PSME3IP1: variants seen among roughly 807,000 people sequenced by gnomAD.
The protein encoded by PSME3IP1 is proteasome activator subunit 3 interacting protein 1, also known as PSME3-interacting protein.
In PSME3IP1, 13 loss-of-function variants were observed where a neutral mutation model predicts 34.1. The ratio of observed to expected loss-of-function variants is 0.38; its 90% CI spans 0.25 to 0.61. The LOEUF (loss-of-function observed/expected upper bound fraction) is 0.61, where lower values mean the gene tolerates loss of function less well. Among genes scored for constraint, PSME3IP1 ranks in the 20% least tolerant of loss-of-function variants. PSME3IP1 has a pLI of 0.60. For missense variants in PSME3IP1, 237 were observed against 301.4 expected (o/e 0.79, Z 1.58); for synonymous variants, 93 against 114.3 (o/e 0.81, Z 1.19).
At chr16:57,177,835 TA>T (rs1365750173) in intron 1 of PSME3IP1, among the ~76,000 whole-genome samples, 1 of 151,878 alleles carries the variant, frequency 6.6e-6, no homozygotes, top group Non-Finnish European at 1.5e-5. Context: ...ACAAAAAATT[TA>T]AAAAACTAGC....
rs1216765282 is a variant in PSME3IP1 at position 57,153,078 on chromosome 16, A to C, written c.*1212T>G. 1.3e-5 allele frequency: 2 copies of C among 152,720 alleles called. No individual in the cohort carries two copies. Among genetic ancestry groups the C allele is most frequent in the African/African-American group, 4.8e-5 (2 of 41,470 alleles). The allele number at this position is 152,720 out of a possible 1,614,324, so 9.5% of individuals were successfully genotyped here. A position where few individuals can be genotyped will look rare whatever the true frequency, so the allele number is the denominator to read the frequency against. On this transcript the variant is annotated 3_prime_UTR_variant, in exon 7 of 7. Coordinates refer to ENST00000309137, the MANE Select transcript of PSME3IP1 (RefSeq NM_024946.4). ...AATGGATAAAGAATGGTACATGCTT[A>C]TTCTAAAGCAGGAGAGCCTACAGAT...
intron 5 of PSME3IP1, among the ~76,000 whole-genome samples, chr16:57,165,102 T>C (rs1029739144): frequency 2.0e-5 from 3 of 148,596 alleles, no homozygotes; most frequent in Non-Finnish European, 4.5e-5. Flanking sequence ...TGCAATTAAG[T>C]TGGAAATCAA....
At chr16:57,161,157 G>A (rs1023202371) in intron 6 of PSME3IP1, among the ~76,000 whole-genome samples, 2 of 152,156 alleles carry the variant, frequency 1.3e-5, no homozygotes, top group Non-Finnish European at 2.9e-5. Context: ...AAACTGACAA[G>A]CTGATCCCAA....
chr16:57,181,182 G>A (rs1194978472), intron 1 of PSME3IP1, among the ~76,000 whole-genome samples: 3 of 152,122 alleles, frequency 2.0e-5, no homozygotes, highest in Non-Finnish European at 4.4e-5. Flanking sequence ...TTAAATATCG[G>A]TTCCCTTAGC....
intron 1 of PSME3IP1, chr16:57,174,534 C>G: frequency 4.1e-6 from 4 of 985,458 alleles, no homozygotes; most frequent in Non-Finnish European, 4.8e-6. Context: ...CTTTTCCCAG[C>G]TCTCATCCTC....
At chr16:57,184,613 C>T (rs1250599233) in intron 1 of PSME3IP1, among the ~76,000 whole-genome samples, 1 of 152,216 alleles carries the variant, frequency 6.6e-6, no homozygotes, top group African/African-American at 2.4e-5. Flanking sequence ...TACACTATGA[C>T]TGACCCTGTA....
rs1465818955 is a variant in PSME3IP1 at position 57,172,301 on chromosome 16, T to C, written c.298A>G (p.Ile100Val). ...TCTTCTTCTCTTCGTTGCTTTTCTA[T>C]TAGTTCCTGCTGTCGAGAAACCTCA... ...LDEVSRQQELIEKQRREEELK... is the reference protein window; with the variant it reads ...LDEVSRQQELVEKQRREEELK... Residue 100 changes from isoleucine (I) to valine (V), a missense_variant, in exon 4 of 7, where the codon ATA (isoleucine) becomes GTA (valine). By Grantham distance (29) the Ile-to-Val change is conservative. Coordinates refer to ENST00000309137, the MANE Select transcript of PSME3IP1 (RefSeq NM_024946.4). 6.2e-7 allele frequency: 1 copy of C among 1,613,894 alleles called. No homozygotes were observed. Among genetic ancestry groups the C allele is most frequent in the Non-Finnish European group, 8.5e-7 (1 of 1,179,996 alleles).
intron 5 of PSME3IP1, 99 bp from the exon 6 acceptor site, chr16:57,164,164 A>T: frequency 2.1e-6 from 2 of 943,470 alleles, no homozygotes; most frequent in African/African-American, 1.6e-5. Context: ...GGTCTTAGGC[A>T]GTCTCAAGAG....
chr16:57,163,533 T>C (rs1234736530), intron 6 of PSME3IP1, among the ~76,000 whole-genome samples: 1 of 152,216 alleles, frequency 6.6e-6, no homozygotes, highest in East Asian at 1.9e-4. Context: ...CAGAGGCAGA[T>C]TTCATCACAT....
chr16:57,166,707 G>A (rs77743323), intron 5 of PSME3IP1, among the ~76,000 whole-genome samples: 18,738 of 152,092 alleles, frequency 0.12, 1,599 homozygotes, highest in East Asian at 0.23. Context: ...CTAGCTCTCT[G>A]TTTCTCTATG....
chr16:57,182,326 A>C (rs1330696631), intron 1 of PSME3IP1, among the ~76,000 whole-genome samples: 2 of 151,830 alleles, frequency 1.3e-5, no homozygotes, highest in South Asian at 2.1e-4. Flanking sequence ...CTTTGCTTGT[A>C]AGCTATTTTG....
intron 4 of PSME3IP1, among the ~76,000 whole-genome samples, chr16:57,168,360 C>A (rs1426222450): frequency 3.3e-5 from 5 of 152,186 alleles, no homozygotes; most frequent in Non-Finnish European, 5.9e-5. Flanking sequence ...GCAACTAACT[C>A]TGTTCTTATG....
At chr16:57,184,066 A>G (rs1327482088) in intron 1 of PSME3IP1, among the ~76,000 whole-genome samples, 1 of 150,086 alleles carries the variant, frequency 6.7e-6, no homozygotes, top group Non-Finnish European at 1.5e-5. Context: ...AAAACTGTAA[A>G]AGTGTCACAA....
intron 6 of PSME3IP1, 75 bp downstream of exon 6, chr16:57,163,926 A>G (rs1255577935): frequency 7.3e-7 from 1 of 1,370,728 alleles, no homozygotes; most frequent in African/African-American, 1.4e-5. Context: ...CATTTGCAGA[A>G]GCAATGCATT....
Position 57,185,978 on chromosome 16 carries a change from A to G in PSME3IP1, c.-173T>C. The G allele has an allele frequency of 1.0e-6, 1 of 985,306 alleles. No individual in the cohort carries two copies. Among genetic ancestry groups the G allele is most frequent in the Non-Finnish European group, 1.2e-6 (1 of 829,870 alleles). 61.0% of individuals were successfully genotyped at this position (985,306 alleles called of 1,614,324 possible). ...TGAAAGAAAGAAAAAAAAAAAGAAAATAGCCTTTGCTTTTGTATTTCTTTT... is the reference window on the plus strand; with the variant it reads ...TGAAAGAAAGAAAAAAAAAAAGAAAGTAGCCTTTGCTTTTGTATTTCTTTT... On this transcript the variant is annotated 5_prime_UTR_variant, in exon 1 of 7. Transcript: ENST00000309137.
chr16:57,157,330 AAAGAAGAAG>A (rs1555484037), intron 6 of PSME3IP1, among the ~76,000 whole-genome samples: 3 of 148,996 alleles, frequency 2.0e-5, no homozygotes, highest in Non-Finnish European at 4.4e-5. Context: ...AAAAAAAAAA[AAAGAAGAAG>A]AAGAAGAAGA....
At chr16:57,166,981 G>T in intron 5 of PSME3IP1, 112 bp downstream of exon 5, 1 of 1,250,050 alleles carries the variant, frequency 8.0e-7, no homozygotes. Context: ...GCACACCAAG[G>T]GAACTTCACC....
intron 2 of PSME3IP1, among the ~76,000 whole-genome samples, chr16:57,173,209 G>A (rs552409465): frequency 1.1e-3 from 173 of 152,304 alleles, no homozygotes; most frequent in Middle Eastern, 6.8e-3. Context: ...GAGAGGAGCA[G>A]AATCTCTTGG....
At chr16:57,173,495 G>A (rs2072845288) in intron 2 of PSME3IP1, among the ~76,000 whole-genome samples, 1 of 152,154 alleles carries the variant, frequency 6.6e-6, no homozygotes, top group African/African-American at 2.4e-5. Context: ...CAGGCGTGGT[G>A]GCTGGTGCCT....
Sources: gnomAD v4.1 joint callset for allele counts (sites outside exome capture counted in the v4.1 genomes callset) on GRCh38, gnomAD v4.1.1 for gene constraint, MANE v1.5 for transcripts, NCBI Gene and HGNC (gene_info 2026-07-23, HGNC 2026-07-21) for gene names.